KDR: variants seen among roughly 807,000 people sequenced by gnomAD.
The protein encoded by KDR is kinase insert domain receptor.
In KDR, 43 loss-of-function variants were observed where a neutral mutation model predicts 160.9. The ratio of observed to expected loss-of-function variants is 0.27; its 90% CI spans 0.21 to 0.34. KDR has a LOEUF of 0.34. Among genes scored for constraint, KDR ranks in the 10% least tolerant of loss-of-function variants. The pLI is 1.00. For missense variants in KDR, 1,469 were observed against 1,666.4 expected (o/e 0.88, Z 2.06); for synonymous variants, 617 against 600.1 (o/e 1.03, Z -0.41).
In KDR at chr4:55,110,717, G is replaced by T. The variant is rs1480331564; in HGVS notation, c.1028C>A (p.Thr343Lys). The part of the protein sequence containing the change: ...GSGMESLVEA[T>K]VGERVRIPAK... The stretch of plus-strand genomic sequence containing the variant: ...AGGGATTCTGACACGCTCCCCCACC[G>T]TGGCTTCCACCAGAGATTCCATGCC... Residue 343 changes from threonine to lysine, a missense_variant, in exon 8 of 30, where the codon ACG becomes AAG. By Grantham distance (78) the Thr-to-Lys change is moderately conservative (BLOSUM62 -1). Transcript: ENST00000263923. 6.2e-7 allele frequency: 1 copy of T among 1,613,070 alleles called. No homozygotes were observed. Among genetic ancestry groups the T allele is most frequent in the Non-Finnish European group, 8.5e-7 (1 of 1,179,874 alleles).
At chr4:55,095,214 C>T (rs1720120646) in intron 20 of KDR, among the ~76,000 whole-genome samples, 1 of 152,120 alleles carries the variant, frequency 6.6e-6, no homozygotes, top group Non-Finnish European at 1.5e-5. Flanking sequence ...TGCATTCAGA[C>T]ACACTTTCAG....
intron 5 of KDR, 152 bp from the exon 6 acceptor site, chr4:55,114,417 T>C (rs1720682119): frequency 1.3e-6 from 1 of 778,342 alleles, no homozygotes; most frequent in Non-Finnish European, 2.1e-6. Context: ...CCCAGGAAAA[T>C]GGCCAACAGA....
In KDR at chr4:55,110,390, T is replaced by C. The variant is rs1720546311; in HGVS notation, c.1255+13A>G. ...ATAAATCTTGGGCAGAGAGGAAAAT[T>C]GAATGGACTCACCATACACAACCAG... On this transcript the variant is annotated intron_variant, in intron 9 of 29. Coordinates refer to ENST00000263923, the MANE Select transcript of KDR (RefSeq NM_002253.4). 1.6e-5 allele frequency: 26 copies of C among 1,613,490 alleles called. No individual in the cohort carries two copies. The East Asian group carries it at 5.8e-4, about 36-fold the overall frequency.
At position 55,121,314 on chromosome 4, in the gene KDR, T is replaced by C. The variant is rs560383196; in HGVS notation, c.68-124A>G. 2.2e-5 allele frequency: 16 copies of C among 713,330 alleles called. No individual in the cohort carries two copies. In the Admixed American group the frequency reaches 2.9e-4, roughly 13 times the overall value. The allele number at this position is 713,330 out of a possible 1,614,324, so 44.2% of individuals were successfully genotyped here. ...TCTTCAGCAATTCATTGTATAAAAC[T>C]GGGAATTTACTTTTCACCATTCTCA... is the stretch of plus-strand genomic sequence containing the variant. On this transcript the variant is annotated intron_variant, in intron 1 of 29. Coordinates refer to ENST00000263923, the MANE Select transcript of KDR (RefSeq NM_002253.4).
Position 55,094,795 on chromosome 4 carries a change from C to G in KDR, c.2971+7G>C, listed in dbSNP as rs751367364. On this transcript the variant is annotated splice_region_variant and intron_variant, in intron 21 of 29. Coordinates refer to ENST00000263923, the MANE Select transcript of KDR (RefSeq NM_002253.4). ...TGCCATAGCATGCAGGAAGCACTAG[C>G]CAGTACCTTCCTCTTCTTCTACATC... 7 of 1,612,480 alleles carry G rather than the reference C, an allele frequency of 4.3e-6. No individual in the cohort carries two copies. The Admixed American group carries it at 1.0e-4, about 23-fold the overall frequency.
At position 55,118,818 on chromosome 4, in the gene KDR, G is replaced by C. The variant is rs751730294; in HGVS notation, c.162-18C>G. 6.2e-7 allele frequency: 1 copy of C among 1,607,210 alleles called. No individual in the cohort carries two copies. Among genetic ancestry groups the C allele is most frequent in the South Asian group, 1.1e-5 (1 of 90,908 alleles). ...TCTGTCCCCTGAAAAATTAATTTCAGGGAGGTATTAATATGAAGTGCCAGA... is the reference window on the plus strand; with the variant it reads ...TCTGTCCCCTGAAAAATTAATTTCACGGAGGTATTAATATGAAGTGCCAGA... On this transcript the variant is annotated intron_variant, in intron 2 of 29. Transcript: ENST00000263923.
intron 27 of KDR, among the ~76,000 whole-genome samples, chr4:55,084,387 T>C (rs1008157177): frequency 6.6e-6 from 1 of 152,188 alleles, no homozygotes; most frequent in Non-Finnish European, 1.5e-5. Flanking sequence ...CATGGGCTCA[T>C]TCTAGAGATA....
chr4:55,110,740 G>A lies in KDR; in HGVS notation c.1005C>T (p.Gly335=), dbSNP rs769671360. 1.2e-6 allele frequency: 2 copies of A among 1,611,272 alleles called. No individual in the cohort carries two copies. Among genetic ancestry groups the A allele is most frequent in the Non-Finnish European group, 1.7e-6 (2 of 1,179,390 alleles). The stretch of plus-strand genomic sequence containing the variant: ...CCGTGGCTTCCACCAGAGATTCCAT[G>A]CCACTTCCAAAAGCAACAAAAGGTT... The part of the protein sequence containing the change: ...HEKPFVAFGS[G]MESLVEATVG... Residue 335 remains glycine, a synonymous_variant, in exon 8 of 30, where the codon GGC becomes GGT. Transcript: ENST00000263923.
Position 55,096,236 on chromosome 4 carries a change from C to A in KDR, c.2721G>T (p.Lys907Asn), listed in dbSNP as rs200773668. Residue 907 changes from lysine to asparagine, a missense_variant, in exon 19 of 30, where the codon AAG becomes AAT. Lys to Asn is a moderately conservative substitution (Grantham distance 94). Coordinates refer to ENST00000263923, the MANE Select transcript of KDR (RefSeq NM_002253.4). Reference sequence around the variant, plus strand: ...CCACCCACAGTTACTCACCTCCTGGCTTGGTACAGGCACCTAGAAGGTTGA... The same window carrying A: ...CCACCCACAGTTACTCACCTCCTGGATTGGTACAGGCACCTAGAAGGTTGA... ...NVVNLLGACT[K>N]PGGPLMVIVE... is the part of the protein sequence containing the mutation. 1.9e-6 allele frequency: 3 copies of A among 1,606,658 alleles called. No homozygotes were observed. The highest frequency in any genetic ancestry group is 2.6e-6 in the Non-Finnish European group (3 of 1,173,714).
intron 18 of KDR, chr4:55,096,626 C>T (rs1720164063): frequency 6.6e-6 from 3 of 451,610 alleles, no homozygotes; most frequent in Non-Finnish European, 1.2e-5. Context: ...GAATCATGCC[C>T]AGATTCTCTT....
chr4:55,125,520 C>A lies in KDR; in HGVS notation c.-227G>T. On this transcript the variant is annotated 5_prime_UTR_variant, in exon 1 of 30. Transcript: ENST00000263923. The stretch of plus-strand genomic sequence containing the variant: ...TGCCAGACGGACTTTCTGCGGCGCG[C>A]AAGTGATGCCCGGCGCAGGCAGAGG... The A allele has an allele frequency of 1.6e-6, 1 of 607,218 alleles. No individual in the cohort carries two copies. Among genetic ancestry groups the A allele is most frequent in the East Asian group, 2.7e-5 (1 of 36,412 alleles). 37.6% of individuals were successfully genotyped at this position (607,218 alleles called of 1,614,324 possible).
Position 55,097,696 on chromosome 4 carries a change from T to C in KDR, c.2580A>G (p.Ala860=). The change falls in exon 18 of 30, where the codon GCA becomes GCG. Residue 860 remains alanine (A), a synonymous_variant. Transcript: ENST00000263923. ...EADAFGIDKT[A]TCRTVAVKML... is the part of the protein sequence containing the mutation. ...TTTTGACTGCTACTGTCCTGCAAGTTGCTGTCTTGTCAATTCCAAAGGCAT... is the reference window on the plus strand; with the variant it reads ...TTTTGACTGCTACTGTCCTGCAAGTCGCTGTCTTGTCAATTCCAAAGGCAT... The C allele has an allele frequency of 1.2e-6, 2 of 1,613,496 alleles. No individual in the cohort carries two copies. The highest frequency in any genetic ancestry group is 1.7e-6 in the Non-Finnish European group (2 of 1,179,648).
intron 3 of KDR, among the ~76,000 whole-genome samples, chr4:55,116,973 A>G (rs891284455): frequency 6.6e-6 from 1 of 152,172 alleles, no homozygotes; most frequent in Non-Finnish European, 1.5e-5. Context: ...GCAGAATTTA[A>G]TGGTATACCC....
At chr4:55,093,875 G>T (rs1578130038) in intron 21 of KDR, among the ~76,000 whole-genome samples, 1 of 152,084 alleles carries the variant, frequency 6.6e-6, no homozygotes, top group East Asian at 1.9e-4. Flanking sequence ...AAGTTAGGCT[G>T]GGACCACAGC....
At position 55,104,712 on chromosome 4, in the gene KDR, A is replaced by G. The variant is rs2110022891; in HGVS notation, c.1918T>C (p.Tyr640His). ...TTCCTGTCTTGAGCAAGGCAGACAT[A>G]GTCTCCTTGGTCCTGCAAGGATGCA... ...KNASLQDQGDYVCLAQDRKTK... is the reference protein window; with the variant it reads ...KNASLQDQGDHVCLAQDRKTK... The change falls in exon 13 of 30, where the codon TAT becomes CAT. Residue 640 changes from tyrosine (Y) to histidine (H), a missense_variant. This residue lies in a region of KDR where 792 missense variants were observed against 840.9 expected (regional missense o/e 0.94). Coordinates refer to ENST00000263923, the MANE Select transcript of KDR (RefSeq NM_002253.4). 1 of 1,613,880 alleles carries G rather than the reference A, an allele frequency of 6.2e-7. No homozygotes were observed.
intron 29 of KDR, among the ~76,000 whole-genome samples, chr4:55,081,120 A>G (rs1175803071): frequency 6.6e-6 from 1 of 152,238 alleles, no homozygotes; most frequent in Non-Finnish European, 1.5e-5. Context: ...TGACTTTCAC[A>G]ATTTCTTACC....
intron 25 of KDR, 121 bp downstream of exon 25, chr4:55,089,253 C>T (rs2110010517): frequency 2.7e-6 from 2 of 750,442 alleles, no homozygotes; most frequent in South Asian, 3.1e-5. Flanking sequence ...AAGAAAGGCC[C>T]CAAAGTAAAA....
intron 2 of KDR, 126 bp from the exon 3 acceptor site, chr4:55,118,926 C>T (rs373029244): frequency 1.1e-4 from 87 of 800,878 alleles, no homozygotes; most frequent in African/African-American, 5.3e-4. Context: ...AGTCTTCTAC[C>T]GGCCAGGCAT....
chr4:55,120,851 CGT>C (rs3034659), intron 2 of KDR, among the ~76,000 whole-genome samples: 33 of 149,940 alleles, frequency 2.2e-4, no homozygotes, highest in Non-Finnish European at 3.0e-4. Flanking sequence ...TATTTGTGTG[CGT>C]GTGTGTGTGT....
Sources: gnomAD v4.1 joint callset for allele counts (sites outside exome capture counted in the v4.1 genomes callset) on GRCh38, gnomAD v4.1.1 for gene constraint, gnomAD v4.1.1 regional missense constraint, MANE v1.5 for transcripts, NCBI Gene and HGNC (gene_info 2026-07-23, HGNC 2026-07-21) for gene names.